CTIF: variants seen among roughly 807,000 people sequenced by gnomAD.
CTIF encodes cap binding complex dependent translation initiation factor.
Under a neutral mutation model 66.0 loss-of-function variants are expected in CTIF, and 21 were observed. The observed-to-expected ratio is 0.32, with a 90% confidence interval of 0.23 to 0.46. The LOEUF (loss-of-function observed/expected upper bound fraction) is 0.46, where lower values mean the gene tolerates loss of function less well. Ranked by LOEUF, CTIF falls within the 20% of genes least tolerant of loss-of-function variation. The pLI, the probability that CTIF is intolerant of heterozygous loss-of-function variation, is 1.00. For missense variants in CTIF, 739 were observed against 812.7 expected (o/e 0.91, Z 1.10); for synonymous variants, 345 against 326.4 (o/e 1.06, Z -0.62).
intron 1 of CTIF, among the ~76,000 whole-genome samples, chr18:48,547,183 G>A (rs1420825592): frequency 6.6e-6 from 1 of 152,190 alleles, no homozygotes; most frequent in African/African-American, 2.4e-5. Flanking sequence ...ACAACTCGGG[G>A]AGGCATGTGC....
At chr18:48,853,218 G>T (rs79784042) in intron 10 of CTIF, among the ~76,000 whole-genome samples, 2 of 152,194 alleles carry the variant, frequency 1.3e-5, no homozygotes, top group South Asian at 4.1e-4. Flanking sequence ...GCGGGGAGAC[G>T]GGCAATAGGC....
intron 7 of CTIF, among the ~76,000 whole-genome samples, chr18:48,735,544 G>A (rs2092493508): frequency 6.6e-6 from 1 of 152,192 alleles, no homozygotes; most frequent in South Asian, 2.1e-4. Flanking sequence ...GTGCATGCTT[G>A]AGAGAAGGAG....
chr18:48,803,427 C>A (rs568409105), intron 9 of CTIF, among the ~76,000 whole-genome samples: 1 of 152,126 alleles, frequency 6.6e-6, no homozygotes, highest in African/African-American at 2.4e-5. Flanking sequence ...TAATCCTCAT[C>A]ATATCACTCT....
intron 6 of CTIF, among the ~76,000 whole-genome samples, chr18:48,675,402 G>A (rs1419061356): frequency 6.6e-6 from 1 of 152,182 alleles, no homozygotes; most frequent in African/African-American, 2.4e-5. Context: ...TGGCTGTATG[G>A]TGGTGTGCTC....
At chr18:48,732,442 G>A (rs1312950060) in intron 7 of CTIF, among the ~76,000 whole-genome samples, 1 of 152,080 alleles carries the variant, frequency 6.6e-6, no homozygotes, top group East Asian at 1.9e-4. Flanking sequence ...TGATGACGGG[G>A]CTGACCAGCC....
intron 1 of CTIF, among the ~76,000 whole-genome samples, chr18:48,586,584 A>G (rs2089774527): frequency 6.6e-6 from 1 of 152,160 alleles, no homozygotes; most frequent in African/African-American, 2.4e-5. Context: ...AATTTGATAG[A>G]TGTAAAATTG....
At chr18:48,816,989 A>G (rs2068377451) in intron 9 of CTIF, among the ~76,000 whole-genome samples, 1 of 152,196 alleles carries the variant, frequency 6.6e-6, no homozygotes. Flanking sequence ...CCTAGAGGCA[A>G]GGAAGCTGTG....
intron 9 of CTIF, among the ~76,000 whole-genome samples, chr18:48,776,994 T>G (rs1433545069): frequency 2.0e-5 from 3 of 152,202 alleles, no homozygotes; most frequent in African/African-American, 7.2e-5. Context: ...AGGTTAGAAG[T>G]CATTTCAGAC....
chr18:48,796,366 C>T (rs932063866), intron 9 of CTIF, among the ~76,000 whole-genome samples: 6 of 151,916 alleles, frequency 3.9e-5, no homozygotes, highest in African/African-American at 1.2e-4. Context: ...TTAGTAGAAA[C>T]GGGGTTTCAC....
At chr18:48,754,719 G>A (rs938570738) in intron 7 of CTIF, among the ~76,000 whole-genome samples, 17 of 152,334 alleles carry the variant, frequency 1.1e-4, no homozygotes, top group East Asian at 1.9e-4. Context: ...CAAAGGAGCC[G>A]CCGCCCAGCA....
intron 9 of CTIF, among the ~76,000 whole-genome samples, chr18:48,809,010 A>G (rs953964752): frequency 6.6e-6 from 1 of 152,228 alleles, no homozygotes; most frequent in Non-Finnish European, 1.5e-5. Flanking sequence ...TGTCTTCTCA[A>G]TAAGGAATTG....
intron 9 of CTIF, among the ~76,000 whole-genome samples, chr18:48,784,832 G>A (rs969378265): frequency 6.6e-6 from 1 of 152,220 alleles, no homozygotes; most frequent in African/African-American, 2.4e-5. Context: ...CCGCTGGGCA[G>A]AGAAACATGT....
intron 5 of CTIF, 47 bp from the exon 6 acceptor site, chr18:48,670,622 C>T: frequency 6.5e-7 from 1 of 1,535,504 alleles, no homozygotes; most frequent in Non-Finnish European, 9.0e-7. Context: ...GGACAGGAGG[C>T]ATGAATGAGC....
intron 6 of CTIF, among the ~76,000 whole-genome samples, chr18:48,689,889 G>T (rs1007362393): frequency 6.6e-6 from 1 of 152,214 alleles, no homozygotes; most frequent in Non-Finnish European, 1.5e-5. Context: ...CTGGCTTGCA[G>T]TCATGGCTGA....
chr18:48,564,608 T>A (rs1283958336), intron 1 of CTIF, among the ~76,000 whole-genome samples: 1 of 152,106 alleles, frequency 6.6e-6, no homozygotes, highest in African/African-American at 2.4e-5. Context: ...GTGTAGGTGG[T>A]TGTGTAGGTT....
chr18:48,588,992 T>C (rs1279408546), intron 1 of CTIF, among the ~76,000 whole-genome samples: 2 of 151,910 alleles, frequency 1.3e-5, no homozygotes, highest in African/African-American at 4.8e-5. Context: ...CCTCCAGAGG[T>C]TAAGTAGATC....
At chr18:48,549,149 G>A (rs2088824434) in intron 1 of CTIF, among the ~76,000 whole-genome samples, 1 of 152,166 alleles carries the variant, frequency 6.6e-6, no homozygotes, top group African/African-American at 2.4e-5. Context: ...TATACTGCAG[G>A]GTGCACATAG....
intron 9 of CTIF, among the ~76,000 whole-genome samples, chr18:48,796,467 C>T (rs1442730287): frequency 6.6e-6 from 1 of 152,194 alleles, no homozygotes; most frequent in Non-Finnish European, 1.5e-5. Flanking sequence ...TGAGCCACCA[C>T]ACCTGGCCTG....
chr18:48,739,618 G>T (rs1439729792), intron 7 of CTIF, among the ~76,000 whole-genome samples: 2 of 152,236 alleles, frequency 1.3e-5, no homozygotes, highest in African/African-American at 4.8e-5. Flanking sequence ...GAGTGAGCCT[G>T]TGCTGAGGGT....
Sources: gnomAD v4.1 joint callset for allele counts (sites outside exome capture counted in the v4.1 genomes callset) on GRCh38, gnomAD v4.1.1 for gene constraint, MANE v1.5 for transcripts, NCBI Gene and HGNC (gene_info 2026-07-23, HGNC 2026-07-21) for gene names.